JAM3: variants seen among roughly 807,000 people sequenced by gnomAD.
JAM3 encodes junctional adhesion molecule 3, also known as junctional adhesion molecule C.
A neutral mutation model predicts 39.4 loss-of-function variants in JAM3; 31 were observed. That is an observed-to-expected ratio of 0.79 (90% CI 0.59 to 1.06). JAM3 has a LOEUF of 1.06. Among genes scored for constraint, JAM3 ranks in the 50% least tolerant of loss-of-function variants. JAM3 has a pLI of 0.00. For missense variants in JAM3, 455 were observed against 391.4 expected (o/e 1.16, Z -1.37); for synonymous variants, 182 against 148.7 (o/e 1.22, Z -1.63).
rs1941444830 is a variant in JAM3 at position 134,069,128 on chromosome 11, G to A, written c.45G>A (p.Leu15=). The A allele has an allele frequency of 1.9e-6, 3 of 1,612,858 alleles. No individual in the cohort carries two copies. The East Asian group carries it at 6.7e-5, about 36-fold the overall frequency. The change falls in exon 1 of 9, where the codon CTG becomes CTA. Residue 15 remains leucine (L), a synonymous_variant. Coordinates refer to ENST00000299106, the MANE Select transcript of JAM3 (RefSeq NM_032801.5). The part of the protein sequence containing the change: ...RPPRLRLCAR[L]PDFFLLLLFR... ...CGCGACTCCGGCTCTGCGCTCGGCT[G>A]CCTGACTTCTTCCTGCTGCTGCTTT... is the stretch of plus-strand genomic sequence containing the variant.
At chr11:134,105,625 C>T (rs1942168964) in intron 1 of JAM3, among the ~76,000 whole-genome samples, 1 of 151,636 alleles carries the variant, frequency 6.6e-6, no homozygotes, top group South Asian at 2.1e-4. Context: ...CCCAAAATCT[C>T]CTTAAGCTAA....
At chr11:134,123,608 ATTCC>A (rs1304264960) in intron 1 of JAM3, among the ~76,000 whole-genome samples, 1 of 152,198 alleles carries the variant, frequency 6.6e-6, no homozygotes, top group East Asian at 1.9e-4. Context: ...CACTGAATTA[ATTCC>A]TTTTCTCTTT....
intron 1 of JAM3, among the ~76,000 whole-genome samples, chr11:134,122,381 CT>C (rs1340380136): frequency 6.6e-6 from 1 of 152,174 alleles, no homozygotes; most frequent in Non-Finnish European, 1.5e-5. Flanking sequence ...GCAAGAGCCC[CT>C]GATGGTACCC....
intron 1 of JAM3, among the ~76,000 whole-genome samples, chr11:134,087,324 A>G (rs569959779): frequency 3.3e-5 from 5 of 152,358 alleles, no homozygotes; most frequent in African/African-American, 1.2e-4. Flanking sequence ...TTTAAGAATC[A>G]GAGAGTATAT....
chr11:134,094,950 G>A (rs1941951237), intron 1 of JAM3, among the ~76,000 whole-genome samples: 1 of 152,230 alleles, frequency 6.6e-6, no homozygotes, highest in South Asian at 2.1e-4. Flanking sequence ...GAAATAGGCA[G>A]CAGTCTGCTT....
chr11:134,127,469 C>T (rs182295665), intron 1 of JAM3, among the ~76,000 whole-genome samples: 2 of 152,276 alleles, frequency 1.3e-5, no homozygotes, highest in African/African-American at 4.8e-5. Flanking sequence ...GAGGCCAAGG[C>T]AGGTGGATCA....
At chr11:134,142,937 T>TGTAGC (rs1171893871) in intron 3 of JAM3, among the ~76,000 whole-genome samples, 1 of 152,244 alleles carries the variant, frequency 6.6e-6, no homozygotes, top group African/African-American at 2.4e-5. Context: ...GTACTTCATT[T>TGTAGC]CTTTTCACGG....
intron 1 of JAM3, among the ~76,000 whole-genome samples, chr11:134,107,520 G>A (rs1007070721): frequency 6.6e-6 from 1 of 152,004 alleles, no homozygotes; most frequent in African/African-American, 2.4e-5. Context: ...GTTTTGAAGT[G>A]AATGAAAATA....
At chr11:134,125,129 C>A (rs934843536) in intron 1 of JAM3, among the ~76,000 whole-genome samples, 12 of 152,202 alleles carry the variant, frequency 7.9e-5, no homozygotes, top group African/African-American at 2.7e-4. Context: ...CACTGCTGCT[C>A]CAGCCGCTCC....
chr11:134,099,185 G>C (rs1942033026), intron 1 of JAM3, among the ~76,000 whole-genome samples: 1 of 151,922 alleles, frequency 6.6e-6, no homozygotes, highest in South Asian at 2.1e-4. Context: ...TCAGTGACAG[G>C]GTGAGACCCT....
In JAM3 at chr11:134,144,912, A is replaced by G. The variant is rs1943043488; in HGVS notation, c.530A>G (p.Asp177Gly). 1 of 1,614,142 alleles carries G rather than the reference A, an allele frequency of 6.2e-7. No individual in the cohort carries two copies. The highest frequency in any genetic ancestry group is 8.5e-7 in the Non-Finnish European group (1 of 1,179,992). ...CCTCACTACAGCTGGTATCGCAATG[A>G]TGTACCACTGCCCACGGATTCCAGA... ...PRPHYSWYRN[D>G]VPLPTDSRAN... Residue 177 changes from aspartate to glycine, a missense_variant, in exon 5 of 9, where the codon GAT becomes GGT. Transcript: ENST00000299106.
chr11:134,072,840 G>C (rs1490676679), intron 1 of JAM3, among the ~76,000 whole-genome samples: 1 of 152,180 alleles, frequency 6.6e-6, no homozygotes, highest in Non-Finnish European at 1.5e-5. Context: ...AACCCGGGAG[G>C]TGGAGGTTGC....
At chr11:134,143,261 G>C (rs1020013710) in intron 3 of JAM3, among the ~76,000 whole-genome samples, 1 of 152,150 alleles carries the variant, frequency 6.6e-6, no homozygotes, top group East Asian at 1.9e-4. Flanking sequence ...TGTCTGACTT[G>C]TTAAGTTCTA....
intron 1 of JAM3, among the ~76,000 whole-genome samples, chr11:134,089,478 G>A (rs970370508): frequency 6.6e-6 from 1 of 151,910 alleles, no homozygotes; most frequent in Non-Finnish European, 1.5e-5. Context: ...CCCACAACAG[G>A]CCCCGGTGTT....
chr11:134,095,240 C>T (rs1287226201), intron 1 of JAM3, among the ~76,000 whole-genome samples: 4 of 152,272 alleles, frequency 2.6e-5, no homozygotes, highest in African/African-American at 7.2e-5. Context: ...AAGAAATACA[C>T]CTGTTAGGAA....
At chr11:134,145,157 T>A (rs544934804) in intron 5 of JAM3, 163 bp downstream of exon 5, 1 of 680,376 alleles carries the variant, frequency 1.5e-6, no homozygotes, top group East Asian at 2.7e-5. Flanking sequence ...CTTCTTCCTT[T>A]TATAAACAAG....
rs562940931 is a variant in JAM3, at chr11:134,146,140, C to G, written c.712+95C>G. 2.8e-5 allele frequency: 25 copies of G among 882,458 alleles called. No individual in the cohort carries two copies. The African/African-American group carries it at 3.8e-4, about 13-fold the overall frequency. The allele number at this position is 882,458 out of a possible 1,614,324, so 54.7% of individuals were successfully genotyped here. A position where few individuals can be genotyped will look rare whatever the true frequency, so the allele number is the denominator to read the frequency against. On this transcript the variant is annotated intron_variant, in intron 6 of 8. Coordinates refer to ENST00000299106, the MANE Select transcript of JAM3 (RefSeq NM_032801.5). ...ATACCATCAGCTTAGAGAACTCTTCCGCCATGGGTTAGCTTTCTTCTGGAG... is the reference window on the plus strand; with the variant it reads ...ATACCATCAGCTTAGAGAACTCTTCGGCCATGGGTTAGCTTTCTTCTGGAG...
intron 1 of JAM3, among the ~76,000 whole-genome samples, chr11:134,119,274 G>A (rs992935152): frequency 6.6e-6 from 1 of 152,088 alleles, no homozygotes; most frequent in Admixed American, 6.5e-5. Context: ...CAAATAGAAA[G>A]AAAAGATTGT....
intron 1 of JAM3, chr11:134,124,138 C>T (rs1942592035): frequency 2.5e-5 from 37 of 1,484,594 alleles, no homozygotes; most frequent in Non-Finnish European, 3.3e-5. Flanking sequence ...AATGGCCAAT[C>T]TAGAAGGTGG....
Sources: allele counts gnomAD v4.1 joint callset (sites outside exome capture counted in the v4.1 genomes callset), GRCh38; gene constraint gnomAD v4.1.1; transcripts MANE v1.5; gene names NCBI Gene and HGNC (gene_info 2026-07-23, HGNC 2026-07-21).